RBFOX1: variants seen among roughly 807,000 people sequenced by gnomAD.
The protein encoded by RBFOX1 is RNA binding fox-1 homolog 1.
RBFOX1 carries 8 observed loss-of-function variants against 57.7 expected under a neutral mutation model. The observed-to-expected ratio is 0.14, with a 90% CI of 0.08 to 0.25. The LOEUF (loss-of-function observed/expected upper bound fraction) is 0.25. Among genes scored for constraint, RBFOX1 ranks in the 10% least tolerant of loss-of-function variants. RBFOX1 has a pLI of 1.00. For synonymous variants in RBFOX1, 326 were observed against 222.4 expected (o/e 1.47, Z -4.15); for missense variants, 611 against 548.5 (o/e 1.11, Z -1.14).
At chr16:7,259,046 G>C (rs79266634) in intron 4 of RBFOX1, among the ~76,000 whole-genome samples, 16,852 of 152,168 alleles carry the variant, frequency 0.11, 1,046 homozygotes, top group African/African-American at 0.17. Context: ...CTACCTTTGA[G>C]AAAACTAGTA....
At chr16:6,093,302 A>G (rs1001036699) in intron 1 of RBFOX1, among the ~76,000 whole-genome samples, 2 of 152,174 alleles carry the variant, frequency 1.3e-5, no homozygotes, top group African/African-American at 4.8e-5. Context: ...AGCCAGGTGC[A>G]GTGGCTCGCA....
chr16:6,103,662 A>G (rs1342533580), intron 1 of RBFOX1, among the ~76,000 whole-genome samples: 1 of 152,136 alleles, frequency 6.6e-6, no homozygotes, highest in Admixed American at 6.5e-5. Flanking sequence ...AGACAGAAGC[A>G]AGAGCCACTG....
At chr16:5,484,097 A>T (rs904104906) in intron 2 of RBFOX1, among the ~76,000 whole-genome samples, 1 of 152,208 alleles carries the variant, frequency 6.6e-6, no homozygotes, top group African/African-American at 2.4e-5. Context: ...CTTGCACCAA[A>T]GAGGTTGAGG....
At chr16:6,365,844 A>G (rs1266499680) in intron 2 of RBFOX1, among the ~76,000 whole-genome samples, 1 of 152,218 alleles carries the variant, frequency 6.6e-6, no homozygotes, top group Non-Finnish European at 1.5e-5. Context: ...ATTAAAAGAT[A>G]TCTAGATCTA....
At chr16:5,843,619 C>T (rs979885069) in intron 3 of RBFOX1, among the ~76,000 whole-genome samples, 4 of 152,180 alleles carry the variant, frequency 2.6e-5, no homozygotes, top group Non-Finnish European at 5.9e-5. Flanking sequence ...GCACTATTCA[C>T]AATAGCAAAC....
At chr16:6,589,980 A>T (rs762999532) in intron 2 of RBFOX1, among the ~76,000 whole-genome samples, 8 of 151,918 alleles carry the variant, frequency 5.3e-5, no homozygotes, top group Non-Finnish European at 8.8e-5. Flanking sequence ...ATTTCCAGTC[A>T]CTCCTCTTCT....
chr16:6,738,295 A>G (rs947504999), intron 3 of RBFOX1, among the ~76,000 whole-genome samples: 9 of 152,036 alleles, frequency 5.9e-5, no homozygotes, highest in African/African-American at 1.7e-4. Flanking sequence ...AAGAGTTTCC[A>G]TAAGGAGAGG....
intron 2 of RBFOX1, among the ~76,000 whole-genome samples, chr16:5,527,857 C>A (rs1195670565): frequency 6.6e-6 from 1 of 152,122 alleles, no homozygotes; most frequent in Non-Finnish European, 1.5e-5. Flanking sequence ...CAAAGTGGGC[C>A]ACTCTAAGAA....
chr16:5,599,188 T>C lies in RBFOX1; in HGVS notation c.545T>C (p.Phe182Ser), dbSNP rs1376124788. 7.1e-6 allele frequency: 5 copies of C among 704,314 alleles called. No individual in the cohort carries two copies. In the South Asian group the frequency reaches 7.4e-5, roughly 10 times the overall value. The allele number at this position is 704,314 out of a possible 1,614,324, so 43.6% of individuals were successfully genotyped here. The stretch of plus-strand genomic sequence containing the variant: ...CTGGTACATGGTGTGAGAGCTGTAT[T>C]CTGTCCTCTAAAAAAGACCAGGCCC... Residue 182 changes from phenylalanine (F) to serine (S), a missense_variant, in exon 3 of 3, where the codon TTC becomes TCC. By Grantham distance (155) the Phe-to-Ser change is radical. Coordinates refer to the RBFOX1 transcript ENST00000585867.
intron 2 of RBFOX1, among the ~76,000 whole-genome samples, chr16:6,515,590 G>A (rs1478633407): frequency 6.6e-6 from 1 of 152,104 alleles, no homozygotes; most frequent in Non-Finnish European, 1.5e-5. Flanking sequence ...TTCTAAAGAA[G>A]CCTTTTTATG....
chr16:6,637,407 AT>A (rs2098452457), intron 2 of RBFOX1, among the ~76,000 whole-genome samples: 1 of 52,954 alleles, frequency 1.9e-5, no homozygotes, highest in African/African-American at 7.4e-5. Context: ...TTAAATATAT[AT>A]ATTATATAAT....
chr16:5,317,676 A>G (rs2064280585), intron 1 of RBFOX1, among the ~76,000 whole-genome samples: 1 of 152,240 alleles, frequency 6.6e-6, no homozygotes, highest in Non-Finnish European at 1.5e-5. Flanking sequence ...TGCCTCATTC[A>G]GTGCCTGACA....
chr16:5,662,970 C>G (rs1454633036), intron 3 of RBFOX1, among the ~76,000 whole-genome samples: 3 of 152,180 alleles, frequency 2.0e-5, no homozygotes, highest in African/African-American at 7.2e-5. Flanking sequence ...CTATGATTAT[C>G]TGTAGTGGGG....
At chr16:7,001,331 C>A (rs553549402) in intron 3 of RBFOX1, among the ~76,000 whole-genome samples, 1 of 151,342 alleles carries the variant, frequency 6.6e-6, no homozygotes, top group South Asian at 2.1e-4. Context: ...TATTTCCTAC[C>A]CTGGCCCTGA....
At chr16:6,269,809 T>C (rs552519557) in intron 1 of RBFOX1, among the ~76,000 whole-genome samples, 2 of 152,128 alleles carry the variant, frequency 1.3e-5, no homozygotes, top group African/African-American at 2.4e-5. Context: ...AAAACAAAAA[T>C]AGCCATTAAT....
intron 4 of RBFOX1, among the ~76,000 whole-genome samples, chr16:7,402,034 T>A (rs974636998): frequency 6.6e-6 from 1 of 152,224 alleles, no homozygotes; most frequent in Admixed American, 6.5e-5. Context: ...TTATTTTCAT[T>A]TTTAATGTAT....
rs140365014 is a variant in RBFOX1 at position 6,007,525 on chromosome 16, C to G, written c.351+140190C>G. On this transcript the variant is annotated intron_variant, in intron 4 of 19. Coordinates refer to the RBFOX1 transcript ENST00000641259. ...GCCAGAGACCTTGAACGAGAGGTACCCAGTAGAGCCATGCTACTTACTGAC... is the reference window on the plus strand; with the variant it reads ...GCCAGAGACCTTGAACGAGAGGTACGCAGTAGAGCCATGCTACTTACTGAC... Among the ~76,000 whole-genome samples the G allele has an allele frequency of 1.2e-3, 178 of 152,276 alleles. 1 individual carries two copies. Among genetic ancestry groups the G allele is most frequent in the Non-Finnish European group, 1.9e-3 (131 of 68,020 alleles).
intron 3 of RBFOX1, among the ~76,000 whole-genome samples, chr16:7,015,579 C>T (rs1282372732): frequency 6.6e-6 from 1 of 152,114 alleles, no homozygotes; most frequent in Non-Finnish European, 1.5e-5. Context: ...TCACATTATT[C>T]TGAGATTTTG....
chr16:6,524,736 C>T (rs1007805612), intron 2 of RBFOX1, among the ~76,000 whole-genome samples: 5 of 152,170 alleles, frequency 3.3e-5, no homozygotes, highest in African/African-American at 1.2e-4. Context: ...ACCTACCTGG[C>T]TTGTCCACAG....
Sources: gnomAD v4.1 joint callset for allele counts (sites outside exome capture counted in the v4.1 genomes callset) on GRCh38, gnomAD v4.1.1 for gene constraint, MANE v1.5 for transcripts, NCBI Gene and HGNC (gene_info 2026-07-23, HGNC 2026-07-21) for gene names.